HDGFL3: variants seen among roughly 807,000 people sequenced by gnomAD.
HDGFL3 encodes hepatoma-derived growth factor-related protein 3.
HDGFL3 carries 6 observed loss-of-function variants against 27.6 expected under a neutral mutation model. The observed-to-expected ratio is 0.22, with a 90% confidence interval of 0.12 to 0.43. The LOEUF (loss-of-function observed/expected upper bound fraction) is 0.43. Among genes scored for constraint, HDGFL3 ranks in the 20% least tolerant of loss-of-function variants. HDGFL3 has a pLI of 1.00. For missense variants in HDGFL3, 207 were observed against 250.1 expected (o/e 0.83, Z 1.16); for synonymous variants, 88 against 88.9 (o/e 0.99, Z 0.05).
intron 1 of HDGFL3, among the ~76,000 whole-genome samples, chr15:83,164,367 C>CAAAAAAAAAAAAAAAA (rs869303457): frequency 8.6e-4 from 33 of 38,402 alleles, no homozygotes; most frequent in Non-Finnish European, 1.0e-3. Flanking sequence ...TTAGAGTAAC[C>CAAAAAAAAAAAAAAAA]AAAAAAAAAA....
At chr15:83,173,833 G>A (rs1333715655) in intron 1 of HDGFL3, among the ~76,000 whole-genome samples, 1 of 152,140 alleles carries the variant, frequency 6.6e-6, no homozygotes, top group Admixed American at 6.5e-5. Flanking sequence ...AATAGGAAAG[G>A]AGGCACACTT....
intron 1 of HDGFL3, among the ~76,000 whole-genome samples, chr15:83,195,357 T>C (rs925142743): frequency 3.3e-5 from 5 of 152,146 alleles, no homozygotes; most frequent in Non-Finnish European, 7.4e-5. Flanking sequence ...GATTTTTTTT[T>C]GCACCCATGC....
chr15:83,126,670 C>T (rs958068264), downstream of HDGFL3: 1 of 1,077,438 alleles, frequency 9.3e-7, no homozygotes, highest in Admixed American at 2.1e-5. Flanking sequence ...CAGCTTGTGA[C>T]TAAACCTGGC....
rs980318739 is a variant in HDGFL3, at chr15:83,207,737, G to A, written c.-323C>T. 6.7e-6 allele frequency: 1 copy of A among 149,246 alleles called. No homozygotes were observed. Among genetic ancestry groups the A allele is most frequent in the African/African-American group, 2.4e-5 (1 of 40,896 alleles). The allele number at this position is 149,246 out of a possible 1,614,324, so 9.2% of individuals were successfully genotyped here. A position where few individuals can be genotyped will look rare whatever the true frequency, so the allele number is the denominator to read the frequency against. Reference sequence around the variant, plus strand: ...GCTGCTCACCAGCGCCGCGTCGCCTGCCTCATGCCGCCGCTGCCGGTCTCC... The same window carrying A: ...GCTGCTCACCAGCGCCGCGTCGCCTACCTCATGCCGCCGCTGCCGGTCTCC... On this transcript the variant is annotated 5_prime_UTR_variant, in exon 1 of 6. It introduces an in-frame stop codon into an upstream open reading frame of the 5' UTR. Transcript: ENST00000299633. The surrounding 1 kb of genome is among the most constrained non-coding windows in gnomAD (Gnocchi z 4.8).
intron 3 of HDGFL3, chr15:83,119,630 G>A: frequency 6.2e-7 from 1 of 1,614,178 alleles, no homozygotes; most frequent in South Asian, 1.1e-5. Flanking sequence ...TACTGGGATG[G>A]CTCTGCTCAT....
rs1358581454 is a variant in HDGFL3 at position 83,207,224 on chromosome 15, C to T, written c.84+107G>A. The T allele has an allele frequency of 2.6e-6, 2 of 768,262 alleles. No homozygotes were observed. Among genetic ancestry groups the T allele is most frequent in the Non-Finnish European group, 3.6e-6 (2 of 556,424 alleles). The allele number at this position is 768,262 out of a possible 1,614,324, so 47.6% of individuals were successfully genotyped here. ...GCCCTCAGCCCTCACCACAGCCGGC[C>T]GCGAGCTGCGGGCTCGGGGCTGAGG... is the stretch of plus-strand genomic sequence containing the variant. On this transcript the variant is annotated intron_variant, in intron 1 of 5. Transcript: ENST00000299633. This position sits in a 1 kb window ranked among gnomAD's most constrained non-coding sequence, Gnocchi z 4.8.
At position 83,131,321 on chromosome 15, in the gene HDGFL3, T is replaced by C. The variant is rs890263862; in HGVS notation, c.*7949A>G. The C allele has an allele frequency of 6.6e-6, 1 of 151,998 alleles. No individual in the cohort carries two copies. Among genetic ancestry groups the C allele is most frequent in the Non-Finnish European group, 1.5e-5 (1 of 68,026 alleles). 9.4% of individuals were successfully genotyped at this position (151,998 alleles called of 1,614,324 possible). A position where few individuals can be genotyped will look rare whatever the true frequency, so the allele number is the denominator to read the frequency against. ...ACCTTTGAAAAGTTCTAGATCAGTATAGGCCAATGGAAGAAATATTGAGTA... is the reference window on the plus strand; with the variant it reads ...ACCTTTGAAAAGTTCTAGATCAGTACAGGCCAATGGAAGAAATATTGAGTA... On this transcript the variant is annotated 3_prime_UTR_variant, in exon 6 of 6. Transcript: ENST00000299633.
chr15:83,177,843 GTTAC>G (rs1351012989), intron 1 of HDGFL3, among the ~76,000 whole-genome samples: 1 of 152,102 alleles, frequency 6.6e-6, no homozygotes, highest in African/African-American at 2.4e-5. Context: ...TAATTTCTCA[GTTAC>G]TTAACTCTGT....
chr15:83,193,835 C>A (rs563502448), intron 1 of HDGFL3, among the ~76,000 whole-genome samples: 1 of 152,322 alleles, frequency 6.6e-6, no homozygotes, highest in African/African-American at 2.4e-5. Context: ...TGAACTGCTA[C>A]TCTGGGTACA....
rs1470883126 is a variant in HDGFL3 at position 83,138,107 on chromosome 15, C to A, written c.*1163G>T. ...TTTAATATATGAATTACATTAATAC[C>A]TCACGTTACATATATGAAGCCAAAT... On this transcript the variant is annotated 3_prime_UTR_variant, in exon 6 of 6. Transcript: ENST00000299633. 1 of 152,490 alleles carries A rather than the reference C, an allele frequency of 6.6e-6. No homozygotes were observed. The highest frequency in any genetic ancestry group is 1.5e-5 in the Non-Finnish European group (1 of 68,000). The allele number at this position is 152,490 out of a possible 1,614,324, so 9.4% of individuals were successfully genotyped here.
exon 4 of HDGFL3, chr15:83,113,293 T>C: frequency 4.4e-6 from 1 of 224,824 alleles, no homozygotes; most frequent in Non-Finnish European, 9.0e-6. Flanking sequence ...CACATATGCA[T>C]GAAGAGGAAA....
At chr15:83,190,557 A>G (rs1023903215) in intron 1 of HDGFL3, among the ~76,000 whole-genome samples, 7 of 151,930 alleles carry the variant, frequency 4.6e-5, no homozygotes, top group African/African-American at 1.5e-4. Flanking sequence ...GCATCTTTTC[A>G]TATATTTATA....
At chr15:83,118,148 C>T (rs867681529) in intron 3 of HDGFL3, among the ~76,000 whole-genome samples, 5 of 151,976 alleles carry the variant, frequency 3.3e-5, no homozygotes, top group East Asian at 1.9e-4. Context: ...GATCGCTTGA[C>T]GCCAGGAGTT....
At chr15:83,191,272 A>G (rs534398125) in intron 1 of HDGFL3, among the ~76,000 whole-genome samples, 1 of 152,330 alleles carries the variant, frequency 6.6e-6, no homozygotes, top group South Asian at 2.1e-4. Context: ...CATGCATTTG[A>G]AAGAACAGAA....
intron 1 of HDGFL3, among the ~76,000 whole-genome samples, chr15:83,171,593 C>A (rs2037246789): frequency 6.6e-6 from 1 of 152,182 alleles, no homozygotes; most frequent in East Asian, 1.9e-4. Context: ...TCTGCAGCAA[C>A]ATGGATGCAG....
intron 1 of HDGFL3, among the ~76,000 whole-genome samples, chr15:83,167,355 A>T (rs528621575): frequency 6.6e-5 from 10 of 152,316 alleles, no homozygotes; most frequent in African/African-American, 2.4e-4. Flanking sequence ...CAGGAGATCG[A>T]AGCCAGCCTG....
At chr15:83,165,690 G>A (rs2037161648) in intron 1 of HDGFL3, among the ~76,000 whole-genome samples, 1 of 151,108 alleles carries the variant, frequency 6.6e-6, no homozygotes, top group Non-Finnish European at 1.5e-5. Flanking sequence ...AGCTACTCAG[G>A]AGGCTGAGGC....
chr15:83,200,736 G>A (rs1328215385), intron 1 of HDGFL3, among the ~76,000 whole-genome samples: 1 of 152,096 alleles, frequency 6.6e-6, no homozygotes, highest in African/African-American at 2.4e-5. Context: ...GTAGTGGAAT[G>A]AAGTACTTGT....
intron 1 of HDGFL3, among the ~76,000 whole-genome samples, chr15:83,191,935 CTTTTTTTTTTTTTTT>C (rs749998701): frequency 9.4e-6 from 1 of 106,716 alleles, no homozygotes; most frequent in Non-Finnish European, 1.9e-5. Flanking sequence ...CTTATCTCTC[CTTTTTTTTTTTTTTT>C]TTTTTTTTGA....
Sources: allele counts gnomAD v4.1 joint callset (sites outside exome capture counted in the v4.1 genomes callset), GRCh38; gene constraint gnomAD v4.1.1; non-coding constraint Gnocchi (gnomAD v3.1); transcripts MANE v1.5; gene names NCBI Gene and HGNC (gene_info 2026-07-23, HGNC 2026-07-21).